Variants in CTPS1 observed in about 807,000 individuals in gnomAD.
The protein encoded by CTPS1 is CTP synthase 1, also known as CTP synthetase 1.
A neutral mutation model predicts 80.5 loss-of-function variants in CTPS1; 25 were observed. The ratio of observed to expected loss-of-function variants is 0.31; its 90% CI spans 0.23 to 0.43. The LOEUF is 0.43. Among genes scored for constraint, CTPS1 ranks in the 20% least tolerant of loss-of-function variants. The pLI is 1.00. For synonymous variants in CTPS1, 267 were observed against 252.5 expected (o/e 1.06, Z -0.54); for missense variants, 442 against 725.7 (o/e 0.61, Z 4.49).
At chr1:41,009,031 A>G (rs1643103547) in intron 16 of CTPS1, 141 bp downstream of exon 16, 2 of 713,616 alleles carry the variant, frequency 2.8e-6, no homozygotes, top group Non-Finnish European at 4.8e-6. Flanking sequence ...AGGGGTCTTG[A>G]TAAACATGGG....
intron 5 of CTPS1, among the ~76,000 whole-genome samples, chr1:40,988,938 G>T (rs1250235173): frequency 6.6e-6 from 1 of 152,216 alleles, no homozygotes; most frequent in Non-Finnish European, 1.5e-5. Flanking sequence ...TAGATTGGCC[G>T]TGTGCATTTG....
chr1:40,998,921 ACTT>A (rs1057490443), intron 9 of CTPS1, among the ~76,000 whole-genome samples: 1 of 152,156 alleles, frequency 6.6e-6, no homozygotes, highest in Non-Finnish European at 1.5e-5. Context: ...CACAGCCCTG[ACTT>A]CTTATTTGCT....
intron 10 of CTPS1, among the ~76,000 whole-genome samples, 200 bp from the exon 11 acceptor site, chr1:41,001,957 GTTC>G (rs1009887519): frequency 3.9e-5 from 6 of 152,216 alleles, no homozygotes; most frequent in African/African-American, 1.4e-4. Flanking sequence ...CAATAAGCAT[GTTC>G]TTAAGTTACT....
chr1:40,982,998 ACT>A (rs1642358342), intron 1 of CTPS1, among the ~76,000 whole-genome samples: 1 of 152,074 alleles, frequency 6.6e-6, no homozygotes, highest in African/African-American at 2.4e-5. Context: ...TATTAGGTTG[ACT>A]CTGAAGGTTA....
intron 15 of CTPS1, 34 bp from the exon 16 acceptor site, chr1:41,008,760 G>A: frequency 6.2e-7 from 1 of 1,613,728 alleles, no homozygotes; most frequent in Non-Finnish European, 8.5e-7. Context: ...AGTGAGCTGA[G>A]AGACCAGCAG....
At chr1:41,005,397 A>G (rs923747121) in intron 12 of CTPS1, among the ~76,000 whole-genome samples, 1 of 152,012 alleles carries the variant, frequency 6.6e-6, no homozygotes, top group African/African-American at 2.4e-5. Context: ...TGCCGAGATC[A>G]CGCCATTGCA....
chr1:40,987,576 C>A, intron 4 of CTPS1, 104 bp downstream of exon 4: 2 of 821,546 alleles, frequency 2.4e-6, no homozygotes, highest in Non-Finnish European at 4.1e-6. Flanking sequence ...CTTCCTATCT[C>A]TGGTGCAGTA....
At chr1:40,992,510 C>A (rs1272220087) in intron 7 of CTPS1, among the ~76,000 whole-genome samples, 1 of 152,018 alleles carries the variant, frequency 6.6e-6, no homozygotes. Context: ...ACCTATGATG[C>A]AGGAAATCCA....
At chr1:40,988,937 C>T (rs761472437) in intron 5 of CTPS1, among the ~76,000 whole-genome samples, 5 of 152,070 alleles carry the variant, frequency 3.3e-5, no homozygotes, top group Non-Finnish European at 5.9e-5. Flanking sequence ...GTAGATTGGC[C>T]GTGTGCATTT....
At chr1:40,987,502 G>C (rs372708430) in intron 4 of CTPS1, 30 bp downstream of exon 4, 1 of 1,471,416 alleles carries the variant, frequency 6.8e-7, no homozygotes, top group African/African-American at 1.4e-5. Flanking sequence ...ATGTGAACAA[G>C]TGTACTCATC....
chr1:41,007,579 C>A lies in CTPS1; in HGVS notation c.1393+34C>A, dbSNP rs1224595238. ...TGCCTCACGCTGGCCCAGCCTTTGG[C>A]TCTGCGTGCCCAGGACGCGTGTCTT... On this transcript the variant is annotated intron_variant, in intron 14 of 18. Coordinates refer to ENST00000650070, the MANE Select transcript of CTPS1 (RefSeq NM_001905.4). This position sits in a 1 kb window ranked among gnomAD's most constrained non-coding sequence, Gnocchi z 4.4. 6.3e-7 allele frequency: 1 copy of A among 1,580,586 alleles called. No individual in the cohort carries two copies. Among genetic ancestry groups the A allele is most frequent in the African/African-American group, 1.3e-5 (1 of 74,350 alleles).
chr1:41,011,770 G>A lies in CTPS1; in HGVS notation c.*122G>A, dbSNP rs1643178512. 6.6e-6 allele frequency: 1 copy of A among 151,962 alleles called. No homozygotes were observed. The highest frequency in any genetic ancestry group is 2.4e-5 in the African/African-American group (1 of 41,326). The allele number at this position is 151,962 out of a possible 1,614,324, so 9.4% of individuals were successfully genotyped here. A position where few individuals can be genotyped will look rare whatever the true frequency, so the allele number is the denominator to read the frequency against. The stretch of plus-strand genomic sequence containing the variant: ...GTTTTTATTAAGATTATTTTATTAT[G>A]CGGAAAGGTATTTGGGAAACTTGTC... On this transcript the variant is annotated 3_prime_UTR_variant, in exon 19 of 19. Coordinates refer to ENST00000650070, the MANE Select transcript of CTPS1 (RefSeq NM_001905.4).
chr1:40,995,063 G>C (rs1010112460), intron 7 of CTPS1, among the ~76,000 whole-genome samples: 3 of 152,188 alleles, frequency 2.0e-5, no homozygotes, highest in Non-Finnish European at 4.4e-5. Flanking sequence ...CCTAATTCAA[G>C]TGGTCTGGGG....
chr1:41,002,081 TA>T, intron 10 of CTPS1, 78 bp from the exon 11 acceptor site: 1 of 1,250,430 alleles, frequency 8.0e-7, no homozygotes, highest in East Asian at 2.3e-5. Context: ...AGTGTCTTGG[TA>T]ATGGCCCGTT....
chr1:40,993,211 G>A (rs964823931), intron 7 of CTPS1, among the ~76,000 whole-genome samples: 4 of 151,298 alleles, frequency 2.6e-5, no homozygotes, highest in African/African-American at 7.3e-5. Context: ...CCACGATGCC[G>A]AGCTAATTTT....
Position 41,009,556 on chromosome 1 carries a change from A to G in CTPS1, c.1658A>G (p.His553Arg). ...LLLASVGRLS[H>R]YLQKGCRLSP... Reference sequence around the variant, plus strand: ...CTGGCCTCTGTGGGGCGGCTCTCACATTACCTCCAGAAAGGCTGCAGGCTC... The same window carrying G: ...CTGGCCTCTGTGGGGCGGCTCTCACGTTACCTCCAGAAAGGCTGCAGGCTC... The change falls in exon 17 of 19, where the codon CAT (histidine) becomes CGT (arginine). Residue 553 changes from histidine (H) to arginine (R), a missense_variant. His to Arg is a conservative substitution (Grantham distance 29). Around this residue, in one of 4 missense-constraint regions of CTPS1, gnomAD observed 321 missense variants for 467.2 expected, o/e 0.69. Transcript: ENST00000650070. 6.2e-7 allele frequency: 1 copy of G among 1,613,852 alleles called. No individual in the cohort carries two copies. The highest frequency in any genetic ancestry group is 1.1e-5 in the South Asian group (1 of 91,052).
At chr1:41,006,185 A>T in intron 13 of CTPS1, 91 bp downstream of exon 13, 1 of 1,098,306 alleles carries the variant, frequency 9.1e-7, no homozygotes, top group Non-Finnish European at 1.4e-6. Context: ...AAGAAGTGAG[A>T]CTGCTTGAGT....
intron 7 of CTPS1, among the ~76,000 whole-genome samples, chr1:40,992,895 T>C (rs994975830): frequency 6.6e-6 from 1 of 152,044 alleles, no homozygotes; most frequent in Non-Finnish European, 1.5e-5. Context: ...GGTTTCATTA[T>C]GTTGGCCAGG....
chr1:40,980,457 C>T (rs1651829630), intron 1 of CTPS1: 1 of 152,238 alleles, frequency 6.6e-6, no homozygotes, highest in African/African-American at 2.4e-5. Context: ...GTATAGAGCT[C>T]ACCACGTTTG....
Sources: gnomAD v4.1 joint callset for allele counts (sites outside exome capture counted in the v4.1 genomes callset) on GRCh38, gnomAD v4.1.1 for gene constraint, gnomAD v4.1.1 regional missense constraint, Gnocchi (gnomAD v3.1) non-coding constraint, MANE v1.5 for transcripts, NCBI Gene and HGNC (gene_info 2026-07-23, HGNC 2026-07-21) for gene names.